Variants in DZIP3 observed in about 807,000 individuals in gnomAD.
DZIP3 encodes DAZ interacting zinc finger protein 3.
In DZIP3, 118 loss-of-function variants were observed where a neutral mutation model predicts 162.0. That is an observed-to-expected ratio of 0.73 (90% CI 0.63 to 0.85). The LOEUF is 0.85. Ranked by LOEUF, DZIP3 falls within the 40% of genes least tolerant of loss-of-function variation. The pLI is 0.00. For missense variants in DZIP3, 1,331 were observed against 1,407.0 expected (o/e 0.95, Z 0.86); for synonymous variants, 438 against 458.6 (o/e 0.96, Z 0.57).
chr3:108,647,987 C>T lies in DZIP3; in HGVS notation c.1837C>T (p.Pro613Ser). The T allele has an allele frequency of 6.3e-7, 1 of 1,593,396 alleles. No individual in the cohort carries two copies. Among genetic ancestry groups the T allele is most frequent in the Non-Finnish European group, 8.5e-7 (1 of 1,172,912 alleles). The change falls in exon 16 of 33, where the codon CCA (proline) becomes TCA (serine). Residue 613 changes from proline (P) to serine (S), a missense_variant. Transcript: ENST00000361582. Reference sequence around the variant, plus strand: ...ACAGAATGAGGAAGAAGAACTAAGTCCACCTCTCATGGAGTACAATATAAA... The same window carrying T: ...ACAGAATGAGGAAGAAGAACTAAGTTCACCTCTCATGGAGTACAATATAAA... ...ELQNEEEELS[P>S]PLMEYNINVK...
chr3:108,674,313 T>G, intron 24 of DZIP3, 132 bp downstream of exon 24: 1 of 695,526 alleles, frequency 1.4e-6, no homozygotes, highest in Non-Finnish European at 2.2e-6. Context: ...TGTGGTTTTT[T>G]TGGGTTTTTT....
At chr3:108,658,740 C>T in intron 19 of DZIP3, among the ~76,000 whole-genome samples, 1 of 151,528 alleles carries the variant, frequency 6.6e-6, no homozygotes, top group African/African-American at 2.4e-5. Flanking sequence ...TGATAGACCG[C>T]TAGCAAGACT....
At chr3:108,630,479 G>A (rs1383634763) in intron 8 of DZIP3, among the ~76,000 whole-genome samples, 2 of 151,940 alleles carry the variant, frequency 1.3e-5, no homozygotes, top group Non-Finnish European at 2.9e-5. Context: ...ATTGAAAGGA[G>A]AAATATTTTT....
intron 1 of DZIP3, among the ~76,000 whole-genome samples, chr3:108,601,807 G>C (rs1324554332): frequency 1.3e-5 from 2 of 151,906 alleles, no homozygotes; most frequent in Non-Finnish European, 2.9e-5. Flanking sequence ...CGACCTTTAG[G>C]CCTCTCAAAA....
At chr3:108,686,651 G>T (rs929902953) in intron 28 of DZIP3, 67 bp downstream of exon 28, 24 of 1,375,150 alleles carry the variant, frequency 1.7e-5, no homozygotes, top group Non-Finnish European at 2.3e-5. Flanking sequence ...CATAATTGTG[G>T]CAATGAAACA....
chr3:108,669,315 C>T (rs1165387009), intron 21 of DZIP3, among the ~76,000 whole-genome samples: 4 of 151,938 alleles, frequency 2.6e-5, no homozygotes, highest in African/African-American at 9.7e-5. Context: ...TTCTCAATCT[C>T]ACAACAGGCT....
intron 19 of DZIP3, among the ~76,000 whole-genome samples, chr3:108,657,624 A>G (rs1191168177): frequency 1.3e-5 from 2 of 152,226 alleles, no homozygotes; most frequent in African/African-American, 2.4e-5. Flanking sequence ...GACAGGATCA[A>G]ATTCACACAT....
intron 25 of DZIP3, among the ~76,000 whole-genome samples, chr3:108,676,519 TATTA>T (rs1184414059): frequency 2.0e-5 from 3 of 152,088 alleles, no homozygotes; most frequent in Non-Finnish European, 2.9e-5. Flanking sequence ...ACTGAATATT[TATTA>T]ATTGATTTTG....
chr3:108,683,237 G>T (rs1415563460), intron 26 of DZIP3, among the ~76,000 whole-genome samples: 2 of 149,308 alleles, frequency 1.3e-5, no homozygotes, highest in South Asian at 2.1e-4. Context: ...TCTTACCTAA[G>T]AAAATTATAA....
Position 108,688,059 on chromosome 3 carries a change from G to T in DZIP3, c.3233G>T (p.Cys1078Phe), listed in dbSNP as rs759733783. The T allele has an allele frequency of 5.0e-6, 8 of 1,613,592 alleles. No individual in the cohort carries two copies. Among genetic ancestry groups the T allele is most frequent in the Non-Finnish European group, 6.8e-6 (8 of 1,179,766 alleles). The stretch of plus-strand genomic sequence containing the variant: ...GAACTGACATTTGATGAAATTGTTT[G>T]CAAGATTTCCCAGTTTATTGACCCC... Reference protein sequence around the residue: ...LSELTFDEIVCKISQFIDPKK... With the variant: ...LSELTFDEIVFKISQFIDPKK... The change falls in exon 29 of 33, where the codon TGC becomes TTC. Residue 1078 changes from cysteine to phenylalanine, a missense_variant. Around this residue, in one of 2 missense-constraint regions of DZIP3, gnomAD observed 1,278 missense variants for 1,317.1 expected, o/e 0.97. Coordinates refer to ENST00000361582, the MANE Select transcript of DZIP3 (RefSeq NM_014648.4).
chr3:108,631,058 C>CACACACA lies in DZIP3; in HGVS notation c.696+1882_696+1883insACACACA, dbSNP rs1941856797. Among the ~76,000 whole-genome samples, 9 of 131,672 alleles carry CACACACA rather than the reference C, an allele frequency of 6.8e-5. 1 individual carries two copies. The South Asian group carries it at 2.2e-3, about 33-fold the overall frequency. 86.4% of individuals were successfully genotyped at this position (131,672 alleles called of 152,430 possible). ...ACACACACACACACACACACACACT[C>CACACACA]TCTCTCTCTCTCTCTCTCTCTCTCT... On this transcript the variant is annotated intron_variant, in intron 8 of 32. Transcript: ENST00000361582.
At chr3:108,601,793 G>T (rs1159419811) in intron 1 of DZIP3, among the ~76,000 whole-genome samples, 1 of 152,082 alleles carries the variant, frequency 6.6e-6, no homozygotes, top group Non-Finnish European at 1.5e-5. Context: ...TCTTCCTCAG[G>T]AAACGACCTT....
At chr3:108,629,268 G>A in intron 8 of DZIP3, 92 bp downstream of exon 8, 1 of 840,336 alleles carries the variant, frequency 1.2e-6, no homozygotes, top group Non-Finnish European at 1.8e-6. Context: ...TCTTTTATTG[G>A]CACATAACTT....
At chr3:108,600,197 CAG>C (rs1939929602) in intron 1 of DZIP3, among the ~76,000 whole-genome samples, 1 of 152,132 alleles carries the variant, frequency 6.6e-6, no homozygotes, top group South Asian at 2.1e-4. Flanking sequence ...CTAGCAGTGT[CAG>C]AGTCTGCTTG....
At chr3:108,626,523 A>G (rs543708415) in intron 7 of DZIP3, among the ~76,000 whole-genome samples, 3 of 152,348 alleles carry the variant, frequency 2.0e-5, no homozygotes, top group South Asian at 4.1e-4. Context: ...TACTTTTAAG[A>G]AAGTGAAATT....
At position 108,612,133 on chromosome 3, in the gene DZIP3, A is replaced by G. The variant is rs79492348; in HGVS notation, c.258+804A>G. ...TAACTTTCAGCATAAGAAAGATACC[A>G]TTTCTTAATGGAGTTTTCTGAAGTT... On this transcript the variant is annotated intron_variant, in intron 4 of 32. Coordinates refer to ENST00000361582, the MANE Select transcript of DZIP3 (RefSeq NM_014648.4). Among the ~76,000 whole-genome samples, 989 of 152,266 alleles carry G rather than the reference A, an allele frequency of 6.5e-3. 8 individuals carry two copies. Among genetic ancestry groups the G allele is most frequent in the Middle Eastern group, 0.02 (6 of 294 alleles).
intron 26 of DZIP3, among the ~76,000 whole-genome samples, chr3:108,681,730 C>CTACAATGGATAGTCCAGT (rs1559783214): frequency 6.6e-6 from 1 of 151,356 alleles, no homozygotes; most frequent in African/African-American, 2.5e-5. Context: ...CAAATATACA[C>CTACAATGGATAGTCCAGT]CATGGAATAC....
At chr3:108,601,501 C>T (rs993211033) in intron 1 of DZIP3, among the ~76,000 whole-genome samples, 38 of 152,246 alleles carry the variant, frequency 2.5e-4, no homozygotes, top group African/African-American at 7.5e-4. Flanking sequence ...AAGTTAGTAG[C>T]GTGGAGAAAA....
rs775635903 is a variant in DZIP3, at chr3:108,625,822, A to C, written c.457-23A>C. 3 of 1,559,122 alleles carry C rather than the reference A, an allele frequency of 1.9e-6. No individual in the cohort carries two copies. The South Asian group carries it at 3.8e-5, about 20-fold the overall frequency. On this transcript the variant is annotated intron_variant, in intron 6 of 32. Transcript: ENST00000361582. Reference sequence around the variant, plus strand: ...AAAAAAATGACTTTTACAGTAGCCAAACCTAGTTTTATGTTACTACAGGAT... The same window carrying C: ...AAAAAAATGACTTTTACAGTAGCCACACCTAGTTTTATGTTACTACAGGAT...
Sources: allele counts gnomAD v4.1 joint callset (sites outside exome capture counted in the v4.1 genomes callset), GRCh38; gene constraint gnomAD v4.1.1; regional missense constraint gnomAD v4.1.1; transcripts MANE v1.5; gene names NCBI Gene and HGNC (gene_info 2026-07-23, HGNC 2026-07-21).